The following PLSCR2 variants were observed in gnomAD, a reference collection of about 807,000 sequenced individuals.
PLSCR2 encodes the protein PL scramblase 2.
PLSCR2 carries 18 observed loss-of-function variants against 25.3 expected under a neutral mutation model. The ratio of observed to expected loss-of-function variants is 0.71; its 90% CI spans 0.49 to 1.06. PLSCR2 has a LOEUF of 1.06. PLSCR2 is among the 50% of genes least tolerant of loss of function. The pLI, the probability that PLSCR2 is intolerant of heterozygous loss-of-function variation, is 0.00. For synonymous variants in PLSCR2, 88 were observed against 87.3 expected, an observed-to-expected ratio of 1.01 and a Z score of -0.04; for missense variants, 243 against 269.5, an observed-to-expected ratio of 0.90 and a Z score of 0.69.
chr3:146,428,075 T>C (rs1227921563), intron 2 of PLSCR2, among the ~76,000 whole-genome samples: 1 of 152,190 alleles, frequency 6.6e-6, no homozygotes, highest in Non-Finnish European at 1.5e-5. Flanking sequence ...CACTTCTGCC[T>C]GTGATTAGCA....
At chr3:146,457,641 T>C (rs927979839) in intron 3 of PLSCR2, among the ~76,000 whole-genome samples, 1 of 152,138 alleles carries the variant, frequency 6.6e-6, no homozygotes, top group African/African-American at 2.4e-5. Context: ...AACACTCCCA[T>C]CCAAATTCAA....
At chr3:146,395,494 C>T (rs1011971706) in intron 3 of PLSCR2, among the ~76,000 whole-genome samples, 3 of 152,116 alleles carry the variant, frequency 2.0e-5, no homozygotes, top group Non-Finnish European at 4.4e-5. Flanking sequence ...ACTGAATGAA[C>T]CATATTTTTA....
intron 2 of PLSCR2, among the ~76,000 whole-genome samples, chr3:146,419,760 T>C (rs200580538): frequency 2.6e-5 from 4 of 152,136 alleles, no homozygotes; most frequent in South Asian, 2.1e-4. Context: ...CAATCAGCAG[T>C]ATAGCGTCTC....
At chr3:146,439,759 CCTT>C (rs2040121127), downstream of PLSCR2, among the ~76,000 whole-genome samples, 1 of 152,296 alleles carries the variant, frequency 6.6e-6, no homozygotes, top group East Asian at 1.9e-4. Flanking sequence ...TTATCTGAAG[CCTT>C]CTTCTCTCAA....
At chr3:146,462,848 C>G (rs571437464), upstream of PLSCR2, among the ~76,000 whole-genome samples, 1 of 152,256 alleles carries the variant, frequency 6.6e-6, no homozygotes, top group South Asian at 2.1e-4. Flanking sequence ...GCTAAGACCC[C>G]AAAGGGTAAT....
chr3:146,482,882 A>T (rs1200034222), intron 1 of PLSCR2, among the ~76,000 whole-genome samples: 2 of 152,214 alleles, frequency 1.3e-5, no homozygotes, highest in Admixed American at 6.5e-5. Flanking sequence ...ACACCGTGGA[A>T]TACTATGCAG....
At chr3:146,458,740 G>C (rs1408420038) in intron 2 of PLSCR2, among the ~76,000 whole-genome samples, 1 of 151,938 alleles carries the variant, frequency 6.6e-6, no homozygotes, top group Non-Finnish European at 1.5e-5. Context: ...CTTCCTAAAT[G>C]AGGCTTAAAC....
At chr3:146,481,483 C>T (rs533961052) in intron 1 of PLSCR2, among the ~76,000 whole-genome samples, 1 of 152,124 alleles carries the variant, frequency 6.6e-6, no homozygotes, top group African/African-American at 2.4e-5. Context: ...TTCACAATTG[C>T]TACAAACAGA....
downstream of PLSCR2, among the ~76,000 whole-genome samples, chr3:146,437,016 G>T (rs190838081): frequency 1.8e-4 from 28 of 152,194 alleles, no homozygotes; most frequent in African/African-American, 6.5e-4. Context: ...GGCCTTTTCT[G>T]TATCTATTGA....
chr3:146,447,102 C>A (rs1449742397), intron 6 of PLSCR2, among the ~76,000 whole-genome samples: 4 of 152,188 alleles, frequency 2.6e-5, no homozygotes, highest in African/African-American at 9.6e-5. Context: ...GGGCTCCCCC[C>A]TGGCCCAGCA....
chr3:146,487,505 A>T (rs552980019), intron 1 of PLSCR2, among the ~76,000 whole-genome samples: 12 of 152,236 alleles, frequency 7.9e-5, no homozygotes, highest in African/African-American at 2.9e-4. Context: ...TAAAAATCAT[A>T]AGCATTCCTA....
chr3:146,480,485 TAGA>T (rs1170598167), intron 1 of PLSCR2, among the ~76,000 whole-genome samples: 5 of 152,098 alleles, frequency 3.3e-5, no homozygotes, highest in African/African-American at 7.2e-5. Flanking sequence ...CTAGAAAATC[TAGA>T]AGAAATGGAT....
At chr3:146,459,675 C>A (rs544733923) in intron 2 of PLSCR2, among the ~76,000 whole-genome samples, 173 bp downstream of exon 2, 1 of 152,192 alleles carries the variant, frequency 6.6e-6, no homozygotes, top group South Asian at 2.1e-4. Flanking sequence ...AACAATGAAT[C>A]GAACCCAAAA....
intron 1 of PLSCR2, among the ~76,000 whole-genome samples, chr3:146,477,420 C>T (rs12185960): frequency 0.035 from 5,341 of 152,326 alleles, 119 homozygotes; most frequent in Middle Eastern, 0.095. Context: ...AACCAGCAGA[C>T]TAGGAAATTC....
intron 2 of PLSCR2, among the ~76,000 whole-genome samples, chr3:146,410,683 A>G (rs1482836751): frequency 6.6e-6 from 1 of 152,240 alleles, no homozygotes; most frequent in African/African-American, 2.4e-5. Flanking sequence ...AAACCTTAAC[A>G]ACCACTAAAC....
intron 6 of PLSCR2, among the ~76,000 whole-genome samples, chr3:146,444,019 A>G (rs183898406): frequency 5.1e-4 from 78 of 152,014 alleles, no homozygotes; most frequent in Middle Eastern, 6.8e-3. Context: ...TCATTTACCC[A>G]CTGGTAATTT....
intron 1 of PLSCR2, among the ~76,000 whole-genome samples, chr3:146,475,835 C>A (rs372278098): frequency 1.3e-5 from 2 of 152,246 alleles, no homozygotes; most frequent in East Asian, 3.9e-4. Flanking sequence ...GTCAGCCAGA[C>A]GAGAGAGATT....
intron 1 of PLSCR2, among the ~76,000 whole-genome samples, chr3:146,489,295 C>G (rs1232986596): frequency 1.3e-5 from 2 of 151,964 alleles, no homozygotes; most frequent in East Asian, 3.9e-4. Flanking sequence ...ACCTGCATGT[C>G]CTGCACATGT....
chr3:146,469,092 A>G (rs962832754), intron 1 of PLSCR2: 3 of 982,918 alleles, frequency 3.1e-6, no homozygotes, highest in Non-Finnish European at 2.4e-6. Context: ...GGCGGACTTC[A>G]TTGAATACTT....
Sources: allele counts gnomAD v4.1 joint callset (sites outside exome capture counted in the v4.1 genomes callset), GRCh38; gene constraint gnomAD v4.1.1; transcripts MANE v1.5; gene names NCBI Gene and HGNC (gene_info 2026-07-23, HGNC 2026-07-21).